The following WDR7 variants were observed in gnomAD, a reference collection of about 807,000 sequenced individuals.
WDR7 encodes WD repeat domain 7.
WDR7 carries 46 observed loss-of-function variants against 169.4 expected under a neutral mutation model. That is an observed-to-expected ratio of 0.27 (90% CI 0.21 to 0.35). The LOEUF is 0.35. WDR7 is among the 10% of genes least tolerant of loss of function. The pLI is 1.00. For missense variants in WDR7, 1,534 were observed against 1,859.3 expected (o/e 0.83, Z 3.22); for synonymous variants, 612 against 666.8 (o/e 0.92, Z 1.27).
chr18:56,805,672 T>A (rs546841677), intron 19 of WDR7, among the ~76,000 whole-genome samples: 1 of 151,970 alleles, frequency 6.6e-6, no homozygotes, highest in Non-Finnish European at 1.5e-5. Context: ...TTTTTACTTA[T>A]CCCCAAATCT....
chr18:56,678,645 C>T (rs905082659), intron 2 of WDR7, among the ~76,000 whole-genome samples: 6 of 152,052 alleles, frequency 3.9e-5, no homozygotes, highest in Middle Eastern at 3.2e-3. Flanking sequence ...TACAGGTGCG[C>T]GCCACCACGC....
chr18:56,891,137 T>C (rs1599134017), intron 21 of WDR7, among the ~76,000 whole-genome samples: 1 of 152,324 alleles, frequency 6.6e-6, no homozygotes, highest in East Asian at 1.9e-4. Context: ...GTCATTAAAC[T>C]ACCTTAATGC....
chr18:57,006,429 CA>C (rs1178720268), intron 26 of WDR7, among the ~76,000 whole-genome samples: 2 of 151,812 alleles, frequency 1.3e-5, no homozygotes, highest in African/African-American at 4.8e-5. Flanking sequence ...TTTTCATTGA[CA>C]AATATTAATT....
At chr18:56,860,014 T>G (rs1414864979) in intron 20 of WDR7, among the ~76,000 whole-genome samples, 1 of 152,220 alleles carries the variant, frequency 6.6e-6, no homozygotes, top group East Asian at 1.9e-4. Flanking sequence ...AAAAGTATTT[T>G]ATAATAATGG....
At chr18:56,680,849 C>G (rs1470622284) in intron 3 of WDR7, among the ~76,000 whole-genome samples, 1 of 152,174 alleles carries the variant, frequency 6.6e-6, no homozygotes, top group Non-Finnish European at 1.5e-5. Flanking sequence ...TATAAAATCT[C>G]AGTAGTTTAA....
At chr18:56,688,436 A>G (rs1021873751) in intron 7 of WDR7, among the ~76,000 whole-genome samples, 3 of 151,964 alleles carry the variant, frequency 2.0e-5, no homozygotes, top group Non-Finnish European at 4.4e-5. Context: ...TAAAAAAACA[A>G]TCTGGGCATG....
chr18:56,815,747 A>C (rs940672683), intron 19 of WDR7, among the ~76,000 whole-genome samples: 1 of 152,248 alleles, frequency 6.6e-6, no homozygotes, highest in African/African-American at 2.4e-5. Context: ...AAACCTTGAA[A>C]GGAATCGAGT....
At chr18:56,670,534 T>A (rs1289630699) in intron 1 of WDR7, among the ~76,000 whole-genome samples, 1 of 152,158 alleles carries the variant, frequency 6.6e-6, no homozygotes, top group Non-Finnish European at 1.5e-5. Flanking sequence ...ATTTTTGAGA[T>A]GAACTCTTGC....
chr18:56,750,540 C>G (rs769169416), intron 14 of WDR7, among the ~76,000 whole-genome samples: 1 of 152,174 alleles, frequency 6.6e-6, no homozygotes, highest in Non-Finnish European at 1.5e-5. Flanking sequence ...ATTTAATCTT[C>G]TTCCACGATA....
At chr18:56,677,191 T>C (rs2025262492) in intron 2 of WDR7, among the ~76,000 whole-genome samples, 1 of 152,134 alleles carries the variant, frequency 6.6e-6, no homozygotes, top group African/African-American at 2.4e-5. Context: ...TCCCTTGGCT[T>C]TTGTTTGTCT....
intron 25 of WDR7, 111 bp from the exon 26 acceptor site, chr18:56,962,319 A>G: frequency 1.6e-6 from 1 of 608,152 alleles, no homozygotes; most frequent in South Asian, 2.8e-5. Flanking sequence ...TTATTTCAAA[A>G]TATATATCAG....
intron 16 of WDR7, among the ~76,000 whole-genome samples, chr18:56,764,924 C>T (rs566533916): frequency 7.9e-5 from 12 of 152,152 alleles, no homozygotes; most frequent in African/African-American, 2.6e-4. Flanking sequence ...TTTTGAAGCT[C>T]TCTTATTAGG....
intron 26 of WDR7, among the ~76,000 whole-genome samples, chr18:57,011,647 C>T (rs2048137137): frequency 6.6e-6 from 1 of 152,138 alleles, no homozygotes; most frequent in Non-Finnish European, 1.5e-5. Flanking sequence ...TTGCCTCAGC[C>T]CTCCATCAAG....
At chr18:56,667,090 T>C (rs2025041407) in intron 1 of WDR7, among the ~76,000 whole-genome samples, 2 of 152,172 alleles carry the variant, frequency 1.3e-5, no homozygotes, top group African/African-American at 2.4e-5. Context: ...GAAAATACTT[T>C]CTGAGTTACA....
chr18:56,977,816 CTT>C (rs1035528508), intron 26 of WDR7, among the ~76,000 whole-genome samples: 2 of 152,034 alleles, frequency 1.3e-5, no homozygotes, highest in African/African-American at 4.8e-5. Flanking sequence ...GAGAGTGGCC[CTT>C]TATAGTAGTA....
Position 56,755,759 on chromosome 18 carries a change from T to C in WDR7, c.1990-824T>C, listed in dbSNP as rs981040754. On this transcript the variant is annotated intron_variant, in intron 14 of 27. Transcript: ENST00000254442. The stretch of plus-strand genomic sequence containing the variant: ...AGAGTGAGTTATCAGGGCAGCTGCC[T>C]GAGAGGGAGAGATTGACAGAGGTAG... 5.9e-5 allele frequency among the ~76,000 whole-genome samples: 9 copies of C among 152,282 alleles called. No homozygotes were observed. In the South Asian group the frequency reaches 1.7e-3, roughly 28 times the overall value.
chr18:56,974,194 A>G (rs530338993), intron 26 of WDR7, among the ~76,000 whole-genome samples: 5 of 152,210 alleles, frequency 3.3e-5, no homozygotes, highest in African/African-American at 4.8e-5. Flanking sequence ...TCATGTGTGT[A>G]CATATGTTTT....
At chr18:56,873,277 A>G (rs187341754) in intron 20 of WDR7, among the ~76,000 whole-genome samples, 20 of 152,336 alleles carry the variant, frequency 1.3e-4, no homozygotes, top group African/African-American at 4.8e-4. Context: ...TTTAAACTAC[A>G]CCAAGTGATG....
rs1568319030 is a variant in WDR7 at position 57,024,576 on chromosome 18, ATAGAATTTCACATATCCCTATTCT to A, written c.4270-2427_4270-2404del. On this transcript the variant is annotated intron_variant, in intron 27 of 27. Coordinates refer to ENST00000254442, the MANE Select transcript of WDR7 (RefSeq NM_015285.3). ...GTGAGCTATGATAGTTATGTCCCTT[ATAGAATTTCACATATCCCTATTCT>A]CAGGCAGGAATAGGGATATGTGAGC... Among the ~76,000 whole-genome samples the A allele has an allele frequency of 1.9e-3, 277 of 142,560 alleles. 3 individuals are homozygous for A. The highest frequency in any genetic ancestry group is 3.7e-3 in the Middle Eastern group (1 of 272). The allele number at this position is 142,560 out of a possible 152,430, so 93.5% of individuals were successfully genotyped here.
Sources: allele counts gnomAD v4.1 joint callset (sites outside exome capture counted in the v4.1 genomes callset), GRCh38; gene constraint gnomAD v4.1.1; transcripts MANE v1.5; gene names NCBI Gene and HGNC (gene_info 2026-07-23, HGNC 2026-07-21).